KCP: variants seen among roughly 807,000 people sequenced by gnomAD.
The protein encoded by KCP is kielin cysteine rich BMP regulator.
KCP carries 194 observed loss-of-function variants against 212.7 expected under a neutral mutation model. That is an observed-to-expected ratio of 0.91 (90% CI 0.81 to 1.03). The LOEUF is 1.03. KCP is among the 50% of genes least tolerant of loss of function. KCP has a pLI of 0.00. For synonymous variants in KCP, 833 were observed against 865.3 expected (o/e 0.96, Z 0.65); for missense variants, 2,080 against 2,162.5 (o/e 0.96, Z 0.76).
chr7:128,910,632 G>C lies in KCP; in HGVS notation c.45C>G (p.Leu15=), dbSNP rs941208514. Residue 15 remains leucine, a synonymous_variant, in exon 1 of 40, where the codon CTC becomes CTG. Coordinates refer to ENST00000610776, the MANE Select transcript of KCP (RefSeq NM_001366122.1). ...CGCCCGCGGCCAGCGCCAGGGCCCCGAGGTGCAGGAGAAGGGACAGCGCAG... is the reference window on the plus strand; with the variant it reads ...CGCCCGCGGCCAGCGCCAGGGCCCCCAGGTGCAGGAGAAGGGACAGCGCAG... ...GAAALSLLLH[L]GALALAAGAE... 6.6e-7 allele frequency: 1 copy of C among 1,517,626 alleles called. No individual in the cohort carries two copies. Among genetic ancestry groups the C allele is most frequent in the African/African-American group, 1.4e-5 (1 of 70,340 alleles). 94.0% of individuals were successfully genotyped at this position (1,517,626 alleles called of 1,614,324 possible).
At chr7:128,890,588 G>A (rs1416249651) in intron 20 of KCP, 75 bp from the exon 21 acceptor site, 3 of 1,352,112 alleles carry the variant, frequency 2.2e-6, no homozygotes, top group African/African-American at 2.9e-5. Context: ...TGGGGTTGAG[G>A]GGCGTGGAGG....
intron 26 of KCP, 38 bp from the exon 27 acceptor site, chr7:128,885,308 G>A (rs1184523406): frequency 2.0e-6 from 3 of 1,512,518 alleles, no homozygotes; most frequent in Non-Finnish European, 2.7e-6. Flanking sequence ...CTCGGAGGTT[G>A]AGATCTGGAC....
At chr7:128,894,374 A>C in intron 8 of KCP, 81 bp from the exon 9 acceptor site, 2 of 1,125,980 alleles carry the variant, frequency 1.8e-6, no homozygotes, top group East Asian at 5.2e-5. Context: ...CCAGCTATCC[A>C]CTTATTAGAT....
rs954862795 is a variant in KCP at position 128,890,898 on chromosome 7, G to T, written c.2164+7C>A. 4 of 1,249,888 alleles carry T rather than the reference G, an allele frequency of 3.2e-6. No individual in the cohort carries two copies. The highest frequency in any genetic ancestry group is 4.0e-6 in the Non-Finnish European group (4 of 1,002,520). The allele number at this position is 1,249,888 out of a possible 1,614,324, so 77.4% of individuals were successfully genotyped here. A position where few individuals can be genotyped will look rare whatever the true frequency, so the allele number is the denominator to read the frequency against. On this transcript the variant is annotated splice_region_variant and intron_variant, in intron 20 of 39. Coordinates refer to ENST00000610776, the MANE Select transcript of KCP (RefSeq NM_001366122.1). ...GGTGGCCGGGAGGGGCACCGCCAGG[G>T]CGTTACCGTCGCAGGAGGGGCAGCA...
chr7:128,880,348 C>T (rs1183519850), intron 34 of KCP, 38 bp downstream of exon 34: 2 of 1,485,102 alleles, frequency 1.3e-6, no homozygotes, highest in Admixed American at 2.2e-5. Context: ...TGTGCCCCCA[C>T]CCTGACCCTC....
At chr7:128,882,450 C>A (rs373573002) in intron 29 of KCP, among the ~76,000 whole-genome samples, 92 of 152,334 alleles carry the variant, frequency 6.0e-4, no homozygotes, top group African/African-American at 2.2e-3. Flanking sequence ...TAATCCACCT[C>A]TCTGAGCCTC....
rs144585197 is a variant in KCP, at chr7:128,882,102, G to C, written c.3245-86C>G. The C allele has an allele frequency of 7.8e-5, 80 of 1,024,610 alleles. No individual in the cohort carries two copies. The African/African-American group carries it at 1.2e-3, about 16-fold the overall frequency. 63.5% of individuals were successfully genotyped at this position (1,024,610 alleles called of 1,614,324 possible). A position where few individuals can be genotyped will look rare whatever the true frequency, so the allele number is the denominator to read the frequency against. ...GCTGTCCCCATGCACTGTGTCCCCA[G>C]GTTTCTAACTCGAACTCCTGAGCAT... On this transcript the variant is annotated intron_variant, in intron 29 of 39. Transcript: ENST00000610776.
At chr7:128,880,865 C>G (rs1277942391) in intron 32 of KCP, 132 bp downstream of exon 32, 8 of 399,834 alleles carry the variant, frequency 2.0e-5, no homozygotes, top group Non-Finnish European at 3.1e-5. Flanking sequence ...GAAATCCAGC[C>G]TTCGGCTCCA....
chr7:128,891,734 TTCCTGGCATCGGCAC>T lies in KCP; in HGVS notation c.1692_1706del (p.Cys565_Glu569del), dbSNP rs1464925358. 2.1e-6 allele frequency: 3 copies of T among 1,440,086 alleles called. No homozygotes were observed. In the Admixed American group the frequency reaches 8.9e-5, roughly 43 times the overall value. 89.2% of individuals were successfully genotyped at this position (1,440,086 alleles called of 1,614,324 possible). A position where few individuals can be genotyped will look rare whatever the true frequency, so the allele number is the denominator to read the frequency against. On this transcript the variant is annotated inframe_deletion, in exon 17 of 40. Coordinates refer to ENST00000610776, the MANE Select transcript of KCP (RefSeq NM_001366122.1). ...GGCGAGGCTGGCAGTGGGCATGGCC[TTCCTGGCATCGGCAC>T]TCCTGGCAGGGGTCTCGGGGGTGGG...
chr7:128,894,184 C>A lies in KCP; in HGVS notation c.925+16G>T. On this transcript the variant is annotated intron_variant, in intron 9 of 39. Coordinates refer to ENST00000610776, the MANE Select transcript of KCP (RefSeq NM_001366122.1). ...TGCCCACCATGGTCAGGCCTCTGCCCTACCCACTGACTCACCATCACACAC... is the reference window on the plus strand; with the variant it reads ...TGCCCACCATGGTCAGGCCTCTGCCATACCCACTGACTCACCATCACACAC... 1 of 1,516,926 alleles carries A rather than the reference C, an allele frequency of 6.6e-7. No homozygotes were observed. The highest frequency in any genetic ancestry group is 8.9e-7 in the Non-Finnish European group (1 of 1,125,164). 94.0% of individuals were successfully genotyped at this position (1,516,926 alleles called of 1,614,324 possible).
intron 5 of KCP, among the ~76,000 whole-genome samples, chr7:128,905,439 C>T (rs892933940): frequency 2.0e-5 from 3 of 152,176 alleles, no homozygotes; most frequent in Non-Finnish European, 4.4e-5. Context: ...ATGTCCCCAG[C>T]ACCACTGCTA....
At chr7:128,886,845 A>T in intron 24 of KCP, 31 bp downstream of exon 24, 1 of 1,420,474 alleles carries the variant, frequency 7.0e-7, no homozygotes, top group Non-Finnish European at 9.7e-7. Flanking sequence ...GGGGAAGGGC[A>T]TGGGGGCCGC....
chr7:128,902,002 T>C (rs1794877465), intron 8 of KCP, among the ~76,000 whole-genome samples: 1 of 152,254 alleles, frequency 6.6e-6, no homozygotes, highest in Non-Finnish European at 1.5e-5. Context: ...AGATCTGTGC[T>C]GCCCGGTAGA....
chr7:128,895,581 G>C (rs1292357286), intron 8 of KCP, among the ~76,000 whole-genome samples: 1 of 152,230 alleles, frequency 6.6e-6, no homozygotes, highest in Non-Finnish European at 1.5e-5. Flanking sequence ...ATGAGGCTGA[G>C]ACCTACTGGG....
rs544450164 is a variant in KCP, at chr7:128,881,620, A to C, written c.3424+6T>G. The C allele has an allele frequency of 4.0e-6, 6 of 1,489,212 alleles. No individual in the cohort carries two copies. The East Asian group carries it at 1.5e-4, about 38-fold the overall frequency. 92.2% of individuals were successfully genotyped at this position (1,489,212 alleles called of 1,614,324 possible). A position where few individuals can be genotyped will look rare whatever the true frequency, so the allele number is the denominator to read the frequency against. On this transcript the variant is annotated splice_donor_region_variant and intron_variant, in intron 31 of 39. Transcript: ENST00000610776. ...CTGAGGGTGGAGGCCAAGGCTGGGC[A>C]CTTACCCCGGCATACGGGGCAGCAG...
At position 128,879,784 on chromosome 7, in the gene KCP, C is replaced by T; in HGVS notation, c.3978G>A (p.Trp1326Ter). 1 of 1,550,764 alleles carries T rather than the reference C, an allele frequency of 6.4e-7. No individual in the cohort carries two copies. The highest frequency in any genetic ancestry group is 2.4e-5 in the East Asian group (1 of 40,916). Residue 1326 changes from tryptophan (W) to a stop codon, truncating the protein, a stop_gained, in exon 36 of 40, where the codon TGG (tryptophan) becomes TGA (stop). Transcript: ENST00000610776. LOFTEE classifies it high-confidence loss of function. ...CCAGCAGCACCGCCACCTCCTGGGT[C>T]CAGGCCACACCGCTCCGGCCCCGGT... ...NDDRGRSGVAWTQEVAVLLGD... is the reference protein window; with the variant it reads ...NDDRGRSGVA
Position 128,907,085 on chromosome 7 carries a change from G to A in KCP, c.486+16C>T. The A allele has an allele frequency of 6.5e-7, 1 of 1,549,254 alleles. No homozygotes were observed. The highest frequency in any genetic ancestry group is 8.7e-7 in the Non-Finnish European group (1 of 1,145,650). ...CAGACAGGTGAGGGATATCCAGGTA[G>A]GTCCTGGGAGCTTACCAGACAGCGG... On this transcript the variant is annotated intron_variant, in intron 4 of 39. Coordinates refer to ENST00000610776, the MANE Select transcript of KCP (RefSeq NM_001366122.1).
intron 22 of KCP, among the ~76,000 whole-genome samples, chr7:128,888,365 AACACACAGGCCAAC>A (rs1205150223): frequency 8.9e-6 from 1 of 111,760 alleles, no homozygotes; most frequent in Non-Finnish European, 1.9e-5. Context: ...GATACACCCA[AACACACAGGCCAAC>A]ACACACAGCC....
chr7:128,883,597 C>T (rs1793460964), intron 29 of KCP, among the ~76,000 whole-genome samples: 1 of 152,140 alleles, frequency 6.6e-6, no homozygotes, highest in African/African-American at 2.4e-5. Flanking sequence ...CAGAAATTGG[C>T]CATCTTTCAA....
Sources: allele counts gnomAD v4.1 joint callset (sites outside exome capture counted in the v4.1 genomes callset), GRCh38; gene constraint gnomAD v4.1.1; transcripts MANE v1.5; gene names NCBI Gene and HGNC (gene_info 2026-07-23, HGNC 2026-07-21).